Variants in SORCS1 observed in about 807,000 individuals in gnomAD.
SORCS1 encodes sortilin related VPS10 domain containing receptor 1.
SORCS1 carries 60 observed loss-of-function variants against 146.1 expected under a neutral mutation model. That is an observed-to-expected ratio of 0.41 (90% CI 0.33 to 0.51). The LOEUF is 0.51. SORCS1 is among the 20% of genes least tolerant of loss of function. SORCS1 has a pLI of 0.21. For synonymous variants in SORCS1, 637 were observed against 584.0 expected, an observed-to-expected ratio of 1.09 and a Z score of -1.31; for missense variants, 1,352 against 1,487.6, an observed-to-expected ratio of 0.91 and a Z score of 1.50.
chr10:106,645,931 T>A (rs1002584034), intron 18 of SORCS1, among the ~76,000 whole-genome samples: 2 of 152,126 alleles, frequency 1.3e-5, no homozygotes, highest in Non-Finnish European at 2.9e-5. Context: ...ATGCCTTAAA[T>A]AACAGAAATT....
chr10:107,052,312 T>G (rs972238806), intron 1 of SORCS1, among the ~76,000 whole-genome samples: 7 of 152,160 alleles, frequency 4.6e-5, no homozygotes, highest in Non-Finnish European at 8.8e-5. Context: ...TTTTCAGATT[T>G]CAAGATATGT....
Position 106,717,342 on chromosome 10 carries a change from G to T in SORCS1, c.1025-8001C>A, listed in dbSNP as rs142104454. On this transcript the variant is annotated intron_variant, in intron 6 of 25. Transcript: ENST00000263054. ...TTCATATACACTTAATTCCTATCAG[G>T]ATTCTAGTGCCCTCTGTCACATGTA... 2.6e-3 allele frequency among the ~76,000 whole-genome samples: 393 copies of T among 152,306 alleles called. 4 individuals carry two copies. The highest frequency in any genetic ancestry group is 8.8e-3 in the African/African-American group (367 of 41,568).
chr10:107,132,581 T>C (rs1385182677), intron 1 of SORCS1, among the ~76,000 whole-genome samples: 1 of 152,184 alleles, frequency 6.6e-6, no homozygotes, highest in Non-Finnish European at 1.5e-5. Flanking sequence ...TGGGCTGAAG[T>C]TTATCTCCGT....
At chr10:107,033,801 T>G (rs1212047209) in intron 1 of SORCS1, among the ~76,000 whole-genome samples, 1 of 152,218 alleles carries the variant, frequency 6.6e-6, no homozygotes, top group Admixed American at 6.5e-5. Flanking sequence ...ACCCCCATTC[T>G]CTTATTTTCA....
intron 1 of SORCS1, among the ~76,000 whole-genome samples, chr10:107,048,427 A>G (rs1378883858): frequency 6.6e-6 from 1 of 152,010 alleles, no homozygotes; most frequent in Admixed American, 6.6e-5. Flanking sequence ...CCTATACTCT[A>G]CGTTTATTTG....
chr10:106,679,366 C>A (rs1201562784), intron 11 of SORCS1, 34 bp from the exon 12 acceptor site: 2 of 1,548,656 alleles, frequency 1.3e-6, no homozygotes, highest in Admixed American at 1.8e-5. Flanking sequence ...GTGAAAAGAA[C>A]TTTCTGCAAA....
intron 9 of SORCS1, among the ~76,000 whole-genome samples, chr10:106,692,728 C>T (rs1853392394): frequency 6.6e-6 from 1 of 152,134 alleles, no homozygotes; most frequent in South Asian, 2.1e-4. Context: ...ATCCAAAATG[C>T]TCCAAAACTT....
intron 1 of SORCS1, among the ~76,000 whole-genome samples, chr10:106,983,313 G>A (rs957255068): frequency 6.7e-6 from 1 of 149,504 alleles, no homozygotes; most frequent in Admixed American, 6.7e-5. Context: ...CACTAGGGAA[G>A]CAACATATTA....
At position 106,988,047 on chromosome 10, in the gene SORCS1, G is replaced by T. The variant is rs565488840; in HGVS notation, c.559-31467C>A. Among the ~76,000 whole-genome samples the T allele has an allele frequency of 1.4e-3, 213 of 152,234 alleles. 2 individuals carry two copies. The highest frequency in any genetic ancestry group is 2.7e-3 in the Non-Finnish European group (186 of 68,022). ...TCTTCCTCTCTCTCACTATATTACAGAAGAATATAGGAAGCTATCAATCTG... is the reference window on the plus strand; with the variant it reads ...TCTTCCTCTCTCTCACTATATTACATAAGAATATAGGAAGCTATCAATCTG... On this transcript the variant is annotated intron_variant, in intron 1 of 25. Coordinates refer to ENST00000263054, the MANE Select transcript of SORCS1 (RefSeq NM_052918.5).
At chr10:106,860,998 T>C (rs986482242) in intron 2 of SORCS1, among the ~76,000 whole-genome samples, 3 of 152,192 alleles carry the variant, frequency 2.0e-5, no homozygotes, top group African/African-American at 7.2e-5. Context: ...CTTAGAGCCC[T>C]TGTTAGAAAA....
chr10:106,593,954 C>T (rs1001217106), intron 24 of SORCS1, among the ~76,000 whole-genome samples: 11 of 152,196 alleles, frequency 7.2e-5, no homozygotes, highest in African/African-American at 2.4e-4. Context: ...AAACTACAAA[C>T]ATGAATTGGA....
At chr10:106,997,836 C>A (rs1184973907) in intron 1 of SORCS1, among the ~76,000 whole-genome samples, 3 of 152,204 alleles carry the variant, frequency 2.0e-5, no homozygotes, top group Admixed American at 2.0e-4. Flanking sequence ...TCTTTCTCCA[C>A]TGTCTCCCAA....
chr10:107,157,959 G>A (rs556151227), intron 1 of SORCS1, among the ~76,000 whole-genome samples: 2 of 152,326 alleles, frequency 1.3e-5, no homozygotes, highest in African/African-American at 4.8e-5. Flanking sequence ...ATAAGGGACA[G>A]TAATTAAGAC....
chr10:106,987,966 G>T (rs1956558786), intron 1 of SORCS1, among the ~76,000 whole-genome samples: 1 of 152,040 alleles, frequency 6.6e-6, no homozygotes, highest in Non-Finnish European at 1.5e-5. Flanking sequence ...AACAAAAATT[G>T]ATAAAAACAG....
chr10:106,973,527 G>A (rs1955874439), intron 1 of SORCS1, among the ~76,000 whole-genome samples: 1 of 152,190 alleles, frequency 6.6e-6, no homozygotes, highest in African/African-American at 2.4e-5. Flanking sequence ...CATGGAATAA[G>A]ACTGCAAGGG....
intron 2 of SORCS1, among the ~76,000 whole-genome samples, chr10:106,885,303 A>C (rs1950956838): frequency 6.6e-6 from 1 of 152,000 alleles, no homozygotes; most frequent in Non-Finnish European, 1.5e-5. Flanking sequence ...GGGAACTTGA[A>C]GAAAGGGGAA....
intron 4 of SORCS1, among the ~76,000 whole-genome samples, chr10:106,772,376 G>A (rs1197181004): frequency 2.0e-5 from 3 of 151,928 alleles, no homozygotes; most frequent in African/African-American, 7.3e-5. Flanking sequence ...GGCATTCTTG[G>A]TTGTCCAGCT....
chr10:106,935,351 C>G (rs924579461), intron 2 of SORCS1, among the ~76,000 whole-genome samples: 7 of 152,086 alleles, frequency 4.6e-5, no homozygotes, highest in Admixed American at 4.6e-4. Context: ...GATATGGAAA[C>G]TTGGTGGAGA....
chr10:107,097,448 G>A (rs1964616415), intron 1 of SORCS1, among the ~76,000 whole-genome samples: 1 of 152,142 alleles, frequency 6.6e-6, no homozygotes. Flanking sequence ...GTCATAGGAT[G>A]GCAGTTTTGG....
Sources: gnomAD v4.1 joint callset for allele counts (sites outside exome capture counted in the v4.1 genomes callset) on GRCh38, gnomAD v4.1.1 for gene constraint, MANE v1.5 for transcripts, NCBI Gene and HGNC (gene_info 2026-07-23, HGNC 2026-07-21) for gene names.